Variants in LRIG1 observed in about 807,000 individuals in gnomAD.
The protein encoded by LRIG1 is leucine-rich repeats and immunoglobulin-like domains protein 1.
In LRIG1, 48 loss-of-function variants were observed where a neutral mutation model predicts 99.2. That is an observed-to-expected ratio of 0.48 (90% CI 0.38 to 0.62). The LOEUF (loss-of-function observed/expected upper bound fraction) is 0.62, where lower values mean the gene tolerates loss of function less well. Among genes scored for constraint, LRIG1 ranks in the 20% least tolerant of loss-of-function variants. LRIG1 has a pLI of 0.00. For missense variants in LRIG1, 1,646 were observed against 1,434.4 expected (o/e 1.15, Z -2.38); for synonymous variants, 772 against 596.1 (o/e 1.29, Z -4.30).
At chr3:66,397,678 G>C (rs369764285) in intron 11 of LRIG1, among the ~76,000 whole-genome samples, 23 of 152,300 alleles carry the variant, frequency 1.5e-4, no homozygotes, top group African/African-American at 5.5e-4. Context: ...CCCCTCCAGA[G>C]CTCTGCCTTG....
In LRIG1 at chr3:66,495,139, G is replaced by A. The variant is rs1028679868; in HGVS notation, c.218+5051C>T. 2.6e-5 allele frequency among the ~76,000 whole-genome samples: 4 copies of A among 152,192 alleles called. No homozygotes were observed. In the East Asian group the frequency reaches 7.7e-4, roughly 29 times the overall value. On this transcript the variant is annotated intron_variant, in intron 1 of 18. Coordinates refer to ENST00000273261, the MANE Select transcript of LRIG1 (RefSeq NM_015541.3). ...TGACATACAAGAACTGAAGCCATGA[G>A]GTAGATAGAATGAACCCTAGTGGCT...
intron 3 of LRIG1, among the ~76,000 whole-genome samples, chr3:66,423,184 A>C (rs1702873073): frequency 6.6e-6 from 1 of 152,268 alleles, no homozygotes; most frequent in Non-Finnish European, 1.5e-5. Flanking sequence ...GACTGGTTGC[A>C]CAACATAAAT....
At position 66,380,234 on chromosome 3, in the gene LRIG1, G is replaced by T; in HGVS notation, c.*29C>A. 1 of 1,566,822 alleles carries T rather than the reference G, an allele frequency of 6.4e-7. No individual in the cohort carries two copies. The highest frequency in any genetic ancestry group is 1.2e-5 in the South Asian group (1 of 85,930). On this transcript the variant is annotated 3_prime_UTR_variant, in exon 19 of 19. Coordinates refer to ENST00000273261, the MANE Select transcript of LRIG1 (RefSeq NM_015541.3). ...CCTACCTCTCTTTCCCGTAGAGATT[G>T]GTATGACAAGAACTGAGGTAGACAA...
chr3:66,429,734 G>C (rs940009881), intron 3 of LRIG1, among the ~76,000 whole-genome samples: 2 of 151,820 alleles, frequency 1.3e-5, no homozygotes, highest in Admixed American at 6.6e-5. Context: ...CTCATCAGTT[G>C]TAACAAATGT....
At position 66,380,473 on chromosome 3, in the gene LRIG1, A is replaced by T. The variant is rs1448126490; in HGVS notation, c.3072T>A (p.Thr1024=). 1.2e-6 allele frequency: 2 copies of T among 1,614,212 alleles called. No individual in the cohort carries two copies. Among genetic ancestry groups the T allele is most frequent in the East Asian group, 4.5e-5 (2 of 44,882 alleles). Residue 1024 remains threonine (T), a synonymous_variant, in exon 19 of 19, where the codon ACT becomes ACA. Coordinates refer to ENST00000273261, the MANE Select transcript of LRIG1 (RefSeq NM_015541.3). ...SLDGKGDSSW[T]LARLYHPDST... is the part of the protein sequence containing the mutation. ...AGTCCGGGTGATACAACCTTGCTAA[A>T]GTCCAGGAAGAATCCCCTACAAGGA...
rs145468039 is a variant in LRIG1 at position 66,487,118 on chromosome 3, A to C, written c.218+13072T>G. On this transcript the variant is annotated intron_variant, in intron 1 of 18. Transcript: ENST00000273261. ...CAAGCAGAAAGTAGAAAATAAGGAGAAATGGGAAAGGAAGAGAGGACTATC... is the reference window on the plus strand; with the variant it reads ...CAAGCAGAAAGTAGAAAATAAGGAGCAATGGGAAAGGAAGAGAGGACTATC... 1.9e-3 allele frequency among the ~76,000 whole-genome samples: 294 copies of C among 152,252 alleles called. 3 individuals are homozygous for C. The highest frequency in any genetic ancestry group is 5.9e-3 in the African/African-American group (246 of 41,548).
intron 3 of LRIG1, among the ~76,000 whole-genome samples, chr3:66,438,443 A>G (rs1003053398): frequency 6.6e-6 from 1 of 152,186 alleles, no homozygotes; most frequent in African/African-American, 2.4e-5. Context: ...TATGGTTGAT[A>G]CTGAACCAGC....
At chr3:66,408,957 T>TGGGGGGG (rs1288551507) in intron 7 of LRIG1, among the ~76,000 whole-genome samples, 2 of 66,724 alleles carry the variant, frequency 3.0e-5, no homozygotes, top group African/African-American at 6.0e-5. Context: ...TGTGTGTGTG[T>TGGGGGGG]GTGTGGTGGG....
intron 3 of LRIG1, among the ~76,000 whole-genome samples, chr3:66,421,833 C>A (rs953954111): frequency 6.6e-6 from 1 of 152,252 alleles, no homozygotes; most frequent in Non-Finnish European, 1.5e-5. Context: ...GGGCCCCGCC[C>A]CTGCAGCAAA....
intron 9 of LRIG1, among the ~76,000 whole-genome samples, chr3:66,400,585 G>GC (rs984407140): frequency 6.6e-6 from 1 of 152,178 alleles, no homozygotes; most frequent in Non-Finnish European, 1.5e-5. Context: ...ATCTGGCCCA[G>GC]CCCCCTACTG....
At chr3:66,436,637 C>A (rs1231855746) in intron 3 of LRIG1, among the ~76,000 whole-genome samples, 1 of 151,874 alleles carries the variant, frequency 6.6e-6, no homozygotes, top group Non-Finnish European at 1.5e-5. Flanking sequence ...CAAATGAAGC[C>A]AAACTGTGAC....
intron 1 of LRIG1, among the ~76,000 whole-genome samples, chr3:66,477,876 T>C (rs1206988935): frequency 6.6e-6 from 1 of 151,646 alleles, no homozygotes; most frequent in Non-Finnish European, 1.5e-5. Context: ...AGGAGTGGCC[T>C]GCTGTAGGAT....
At chr3:66,489,203 G>T (rs1286603082) in intron 1 of LRIG1, among the ~76,000 whole-genome samples, 1 of 152,030 alleles carries the variant, frequency 6.6e-6, no homozygotes, top group East Asian at 1.9e-4. Context: ...GCTGCTTATG[G>T]TATCCATCTG....
At chr3:66,497,110 A>G (rs1045976977) in intron 1 of LRIG1, among the ~76,000 whole-genome samples, 1 of 152,230 alleles carries the variant, frequency 6.6e-6, no homozygotes, top group Non-Finnish European at 1.5e-5. Context: ...ACTTTTGTGA[A>G]TATCCTTGCT....
At chr3:66,430,376 G>C (rs141901023) in intron 3 of LRIG1, among the ~76,000 whole-genome samples, 4 of 152,302 alleles carry the variant, frequency 2.6e-5, no homozygotes, top group African/African-American at 9.6e-5. Flanking sequence ...GGTTACTTAC[G>C]CATTTCCCAC....
Position 66,500,414 on chromosome 3 carries a change from T to G in LRIG1, c.-7A>C. 3 of 1,377,654 alleles carry G rather than the reference T, an allele frequency of 2.2e-6. No individual in the cohort carries two copies. The highest frequency in any genetic ancestry group is 2.8e-6 in the Non-Finnish European group (3 of 1,073,016). 85.3% of individuals were successfully genotyped at this position (1,377,654 alleles called of 1,614,324 possible). On this transcript the variant is annotated 5_prime_UTR_variant, in exon 1 of 19. Coordinates refer to ENST00000273261, the MANE Select transcript of LRIG1 (RefSeq NM_015541.3). Reference sequence around the variant, plus strand: ...CCCGGACCGGCCGCGCCATCTTGTCTGGAGCGCGCTGCGAACTCCGGGCGC... The same window carrying G: ...CCCGGACCGGCCGCGCCATCTTGTCGGGAGCGCGCTGCGAACTCCGGGCGC...
At chr3:66,498,838 T>A (rs1295595938) in intron 1 of LRIG1, among the ~76,000 whole-genome samples, 1 of 152,216 alleles carries the variant, frequency 6.6e-6, no homozygotes, top group African/African-American at 2.4e-5. Context: ...TAAAGATTCG[T>A]GCCCCATTTT....
chr3:66,386,452 G>GT (rs979941694), intron 12 of LRIG1, 151 bp from the exon 13 acceptor site: 2 of 652,246 alleles, frequency 3.1e-6, no homozygotes, highest in East Asian at 5.2e-5. Flanking sequence ...ACCAGATGCC[G>GT]TAAGAGTTGC....
At chr3:66,433,651 C>A (rs1422222408) in intron 3 of LRIG1, among the ~76,000 whole-genome samples, 1 of 152,246 alleles carries the variant, frequency 6.6e-6, no homozygotes, top group Non-Finnish European at 1.5e-5. Context: ...ATATCTCTTA[C>A]CACGCAATTT....
Sources: allele counts gnomAD v4.1 joint callset (sites outside exome capture counted in the v4.1 genomes callset), GRCh38; gene constraint gnomAD v4.1.1; transcripts MANE v1.5; gene names NCBI Gene and HGNC (gene_info 2026-07-23, HGNC 2026-07-21).